Variants in NRG1 observed in about 807,000 individuals in gnomAD.
NRG1 encodes the protein pro-neuregulin-1, membrane-bound isoform.
In NRG1, 18 loss-of-function variants were observed where a neutral mutation model predicts 63.8. The ratio of observed to expected loss-of-function variants is 0.28; its 90% CI spans 0.19 to 0.42. The LOEUF (loss-of-function observed/expected upper bound fraction) is 0.42. Ranked by LOEUF, NRG1 falls within the 10% of genes least tolerant of loss-of-function variation. NRG1 has a pLI of 1.00. For synonymous variants in NRG1, 302 were observed against 301.3 expected, an observed-to-expected ratio of 1.00 and a Z score of -0.02; for missense variants, 762 against 814.7, an observed-to-expected ratio of 0.94 and a Z score of 0.79.
chr8:32,412,783 A>G (rs1183638304), intron 1 of NRG1, among the ~76,000 whole-genome samples: 1 of 152,064 alleles, frequency 6.6e-6, no homozygotes, highest in African/African-American at 2.4e-5. Flanking sequence ...ATAGAAAAAC[A>G]CAGTAAAAAT....
At chr8:31,857,073 T>A (rs984111580) in intron 1 of NRG1, among the ~76,000 whole-genome samples, 2 of 152,238 alleles carry the variant, frequency 1.3e-5, no homozygotes, top group East Asian at 1.9e-4. Flanking sequence ...TTTGTTTGTC[T>A]GTGCCCTGCC....
At chr8:32,605,773 A>C in intron 3 of NRG1, 90 bp downstream of exon 3, 1 of 1,402,498 alleles carries the variant, frequency 7.1e-7, no homozygotes, top group Non-Finnish European at 9.7e-7. Context: ...GGTGTGTTAA[A>C]TCTCATTGTG....
intron 1 of NRG1, among the ~76,000 whole-genome samples, chr8:32,229,491 GAGA>G (rs757236592): frequency 7.2e-5 from 11 of 152,108 alleles, no homozygotes; most frequent in Non-Finnish European, 1.6e-4. Context: ...TGGGAATGGG[GAGA>G]AGGCCAATGG....
chr8:31,649,412 C>G (rs982400310), intron 1 of NRG1, among the ~76,000 whole-genome samples: 11 of 152,178 alleles, frequency 7.2e-5, no homozygotes, highest in African/African-American at 2.7e-4. Context: ...TACTAGCCTT[C>G]CTAATGCACG....
At chr8:31,948,323 A>G (rs568052367) in intron 1 of NRG1, among the ~76,000 whole-genome samples, 1 of 152,284 alleles carries the variant, frequency 6.6e-6, no homozygotes, top group East Asian at 1.9e-4. Flanking sequence ...AGGTAAATGG[A>G]AGGAAAATGG....
intron 1 of NRG1, among the ~76,000 whole-genome samples, chr8:32,097,870 A>G (rs770129072): frequency 1.3e-5 from 2 of 152,324 alleles, no homozygotes; most frequent in East Asian, 1.9e-4. Flanking sequence ...AAAATCTATT[A>G]TGCTTCCAAT....
chr8:32,393,905 A>T (rs1812104493), intron 1 of NRG1, among the ~76,000 whole-genome samples: 1 of 152,170 alleles, frequency 6.6e-6, no homozygotes, highest in Non-Finnish European at 1.5e-5. Context: ...ATAAATAAAT[A>T]AACTTGGTCT....
intron 1 of NRG1, among the ~76,000 whole-genome samples, chr8:31,681,648 C>G (rs1808349312): frequency 3.3e-5 from 5 of 150,714 alleles, no homozygotes. Flanking sequence ...CAATTCCATT[C>G]CAATGTATAG....
At position 32,254,130 on chromosome 8, in the gene NRG1, CA is replaced by C. The variant is rs918095619; in HGVS notation, c.38-341692del. On this transcript the variant is annotated intron_variant, in intron 1 of 10. Coordinates refer to the NRG1 transcript ENST00000519301. The stretch of plus-strand genomic sequence containing the variant: ...TGGTCTATCTATTTTTTAATCTTTT[CA>C]AAAAACCAGCTCTTGGATTCATTGA... 7.2e-5 allele frequency among the ~76,000 whole-genome samples: 11 copies of C among 151,996 alleles called. No homozygotes were observed. The South Asian group carries it at 1.5e-3, about 20-fold the overall frequency.
At chr8:32,713,594 T>A (rs1818360431) in intron 5 of NRG1, among the ~76,000 whole-genome samples, 1 of 150,554 alleles carries the variant, frequency 6.6e-6, no homozygotes, top group African/African-American at 2.4e-5. Flanking sequence ...TTCTCTCTGA[T>A]AATTCATGAG....
chr8:32,756,608 C>T (rs964798375), intron 9 of NRG1, 79 bp downstream of exon 9: 1 of 1,486,074 alleles, frequency 6.7e-7, no homozygotes, highest in Non-Finnish European at 8.9e-7. Flanking sequence ...TTCGAAAGCT[C>T]TTAAGCTTTT....
intron 1 of NRG1, among the ~76,000 whole-genome samples, chr8:32,356,474 A>ACCCCCCCCCCCCCCCCCCCCGG (rs11426642): frequency 1.4e-5 from 1 of 69,334 alleles, no homozygotes; most frequent in Non-Finnish European, 2.9e-5. Flanking sequence ...CCTTGTTGGG[A>ACCCCCCCCCCCCCCCCCCCCGG]CCCCCCCCCC....
chr8:32,699,685 T>C (rs1814337132), intron 5 of NRG1, among the ~76,000 whole-genome samples: 1 of 152,202 alleles, frequency 6.6e-6, no homozygotes, highest in South Asian at 2.1e-4. Flanking sequence ...CTTTTGAGAT[T>C]ATTGGTTTAG....
intron 1 of NRG1, among the ~76,000 whole-genome samples, chr8:32,327,377 C>T (rs1802138615): frequency 6.6e-6 from 1 of 152,200 alleles, no homozygotes; most frequent in African/African-American, 2.4e-5. Flanking sequence ...TCAGTCACAA[C>T]ATTGCTTTAG....
chr8:32,520,574 T>C lies in NRG1; in HGVS notation c.38-75254T>C, dbSNP rs576007707. Among the ~76,000 whole-genome samples, 3 of 152,244 alleles carry C rather than the reference T, an allele frequency of 2.0e-5. No homozygotes were observed. The East Asian group carries it at 5.8e-4, about 29-fold the overall frequency. On this transcript the variant is annotated intron_variant, in intron 1 of 10. Transcript: ENST00000519301. ...AAAGCTCTTACTAAAGTGCCAGCAA[T>C]ATAGGAAAGAACAACAAATGACATT...
At chr8:32,278,697 ACT>A (rs151237134) in intron 1 of NRG1, among the ~76,000 whole-genome samples, 5,567 of 152,158 alleles carry the variant, frequency 0.037, 192 homozygotes, top group Admixed American at 0.11. Context: ...TCCCTAGGAC[ACT>A]CTGCCTCCCT....
At chr8:32,049,484 A>T (rs1448886660) in intron 1 of NRG1, among the ~76,000 whole-genome samples, 1 of 152,128 alleles carries the variant, frequency 6.6e-6, no homozygotes, top group Admixed American at 6.6e-5. Context: ...GGTGTCACAG[A>T]TTTAATCAGT....
At chr8:32,427,346 C>A (rs956115219) in intron 1 of NRG1, among the ~76,000 whole-genome samples, 6 of 152,178 alleles carry the variant, frequency 3.9e-5, no homozygotes, top group Non-Finnish European at 1.5e-5. Context: ...TCCATCTCCA[C>A]TTGGCTCTTT....
rs1856346465 is a variant in NRG1 at position 32,307,587 on chromosome 8, GTTT to G, written c.38-288240_38-288238del. Among the ~76,000 whole-genome samples the G allele has an allele frequency of 3.9e-4, 21 of 54,346 alleles. 1 individual carries two copies. The South Asian group carries it at 9.2e-3, about 24-fold the overall frequency. The allele number at this position is 54,346 out of a possible 152,430, so 35.7% of individuals were successfully genotyped here. A position where few individuals can be genotyped will look rare whatever the true frequency, so the allele number is the denominator to read the frequency against. On this transcript the variant is annotated intron_variant, in intron 1 of 10. Transcript: ENST00000519301. ...AAAATGGCTCTATGGTCACCCAGGG[GTTT>G]GTGTGTGTGTGTGTGTGTGTGTGTG...
Sources: gnomAD v4.1 joint callset for allele counts (sites outside exome capture counted in the v4.1 genomes callset) on GRCh38, gnomAD v4.1.1 for gene constraint, MANE v1.5 for transcripts, NCBI Gene and HGNC (gene_info 2026-07-23, HGNC 2026-07-21) for gene names.